Variants in RBFOX2 observed in about 807,000 individuals in gnomAD.
RBFOX2 encodes the protein RNA binding fox-1 homolog 2.
In RBFOX2, 10 loss-of-function variants were observed where a neutral mutation model predicts 49.1. The observed-to-expected ratio is 0.20, with a 90% CI of 0.13 to 0.35. The LOEUF is 0.35. Among genes scored for constraint, RBFOX2 ranks in the 10% least tolerant of loss-of-function variants. The probability of loss-of-function intolerance (pLI) is 1.00; values close to 1 mark genes in which losing one functional copy is unlikely to be tolerated. For synonymous variants in RBFOX2, 183 were observed against 187.4 expected, an observed-to-expected ratio of 0.98 and a Z score of 0.19; for missense variants, 323 against 486.9, an observed-to-expected ratio of 0.66 and a Z score of 3.17.
At chr22:35,935,324 T>C (rs148543168) in intron 1 of RBFOX2, among the ~76,000 whole-genome samples, 2 of 152,294 alleles carry the variant, frequency 1.3e-5, no homozygotes, top group East Asian at 3.9e-4. Context: ...TCCACTTCCA[T>C]AGAGAAACCA....
chr22:35,977,076 T>C (rs947016132), intron 1 of RBFOX2, among the ~76,000 whole-genome samples: 6 of 151,204 alleles, frequency 4.0e-5, no homozygotes, highest in Admixed American at 3.9e-4. Context: ...AATATGCAAA[T>C]GAAAGATGCT....
At chr22:35,799,968 C>T (rs1009080512) in intron 2 of RBFOX2, among the ~76,000 whole-genome samples, 15 of 151,588 alleles carry the variant, frequency 9.9e-5, no homozygotes, top group Non-Finnish European at 2.1e-4. Context: ...ACCCCCTTCC[C>T]CCACCCCCCA....
At chr22:35,830,508 G>T (rs1956586004) in intron 1 of RBFOX2, among the ~76,000 whole-genome samples, 1 of 152,216 alleles carries the variant, frequency 6.6e-6, no homozygotes, top group Non-Finnish European at 1.5e-5. Flanking sequence ...AAGTGTCTTT[G>T]TGTGAACATC....
At chr22:35,900,844 G>A (rs1215187671) in intron 1 of RBFOX2, among the ~76,000 whole-genome samples, 1 of 152,198 alleles carries the variant, frequency 6.6e-6, no homozygotes, top group East Asian at 1.9e-4. Context: ...CAGGCACACC[G>A]AAATCTGAGA....
intron 1 of RBFOX2, among the ~76,000 whole-genome samples, chr22:35,935,080 A>C (rs1242741840): frequency 6.6e-6 from 1 of 151,998 alleles, no homozygotes; most frequent in Non-Finnish European, 1.5e-5. Context: ...GACTACAGGC[A>C]CACACCACTA....
intron 1 of RBFOX2, among the ~76,000 whole-genome samples, chr22:35,856,275 G>A (rs776552361): frequency 2.0e-5 from 3 of 152,110 alleles, no homozygotes; most frequent in South Asian, 2.1e-4. Context: ...TCTGTACACC[G>A]ACATACAACC....
At chr22:36,014,132 T>A (rs989110168) in intron 1 of RBFOX2, among the ~76,000 whole-genome samples, 13 of 151,866 alleles carry the variant, frequency 8.6e-5, no homozygotes, top group Non-Finnish European at 2.9e-5. Context: ...CTTTTTTTTT[T>A]TTTTATTGAG....
At chr22:35,939,580 C>T (rs1369261137), upstream of RBFOX2, among the ~76,000 whole-genome samples, 3 of 151,996 alleles carry the variant, frequency 2.0e-5, no homozygotes, top group East Asian at 5.8e-4. Context: ...ACTTGTGCAG[C>T]TTACTTTTTA....
intron 1 of RBFOX2, among the ~76,000 whole-genome samples, chr22:35,985,086 T>A (rs951188110): frequency 1.3e-5 from 2 of 152,260 alleles, no homozygotes; most frequent in Middle Eastern, 3.4e-3. Context: ...TGGTGGCTGT[T>A]CCAAAGTAGA....
At chr22:35,962,318 C>T (rs56085307), upstream of RBFOX2, among the ~76,000 whole-genome samples, 4,068 of 152,282 alleles carry the variant, frequency 0.027, 84 homozygotes, top group Non-Finnish European at 0.041. Flanking sequence ...AATCCTGGGT[C>T]CAACTTTCCA....
Position 35,851,372 on chromosome 22 carries a change from G to A in RBFOX2, c.-33-41368C>T, listed in dbSNP as rs894270054. Among the ~76,000 whole-genome samples, 45 of 152,098 alleles carry A rather than the reference G, an allele frequency of 3.0e-4. 1 individual carries two copies. The highest frequency in any genetic ancestry group is 6.0e-4 in the Non-Finnish European group (41 of 68,014). On this transcript the variant is annotated intron_variant, in intron 1 of 13. Transcript: ENST00000359369. ...GAACATCTATTGCAGACAAAATATTGTACTAAGCCCTGGAGAAATGAACAC... is the reference window on the plus strand; with the variant it reads ...GAACATCTATTGCAGACAAAATATTATACTAAGCCCTGGAGAAATGAACAC...
intron 3 of RBFOX2, 114 bp downstream of exon 4, chr22:35,781,486 G>T: frequency 3.0e-6 from 4 of 1,337,532 alleles, no homozygotes; most frequent in Non-Finnish European, 4.1e-6. Flanking sequence ...ATTTACCTCA[G>T]GTTCTTTCAA....
chr22:35,921,489 A>T (rs979277040), intron 1 of RBFOX2, among the ~76,000 whole-genome samples: 2 of 152,212 alleles, frequency 1.3e-5, no homozygotes, highest in Non-Finnish European at 2.9e-5. Flanking sequence ...TGCTCTAGGC[A>T]ATAAGACTTA....
At chr22:35,760,322 CAAG>C (rs1938337119) in intron 8 of RBFOX2, among the ~76,000 whole-genome samples, 1 of 152,112 alleles carries the variant, frequency 6.6e-6, no homozygotes, top group Admixed American at 6.5e-5. Context: ...AGAAACAGGT[CAAG>C]AAGCTCTGAG....
At chr22:35,980,496 G>A (rs1241643838) in intron 1 of RBFOX2, among the ~76,000 whole-genome samples, 1 of 152,182 alleles carries the variant, frequency 6.6e-6, no homozygotes, top group Non-Finnish European at 1.5e-5. Flanking sequence ...GTGTATGAAA[G>A]AGAACAGAAG....
intron 9 of RBFOX2, among the ~76,000 whole-genome samples, chr22:35,758,069 T>A (rs1937522446): frequency 2.0e-5 from 3 of 152,202 alleles, no homozygotes; most frequent in Admixed American, 6.5e-5. Context: ...TAATGATTAA[T>A]GATGAAATTA....
At chr22:35,754,034 C>T (rs1209485170) in intron 9 of RBFOX2, among the ~76,000 whole-genome samples, 1 of 151,058 alleles carries the variant, frequency 6.6e-6, no homozygotes, top group Non-Finnish European at 1.5e-5. Flanking sequence ...CCCCCTGCCT[C>T]GGCCTCCCAA....
intron 1 of RBFOX2, among the ~76,000 whole-genome samples, chr22:35,839,390 G>A (rs1006319658): frequency 1.9e-4 from 29 of 151,896 alleles, no homozygotes; most frequent in Non-Finnish European, 3.7e-4. Context: ...GGGAGAAAGA[G>A]GGGAAAAGGA....
At chr22:35,758,778 C>T (rs1274738490) in intron 9 of RBFOX2, among the ~76,000 whole-genome samples, 2 of 152,082 alleles carry the variant, frequency 1.3e-5, no homozygotes, top group African/African-American at 4.8e-5. Flanking sequence ...TGTTTTAACT[C>T]TGTGGAATGG....
Sources: gnomAD v4.1 joint callset for allele counts (sites outside exome capture counted in the v4.1 genomes callset) on GRCh38, gnomAD v4.1.1 for gene constraint, MANE v1.5 for transcripts, NCBI Gene and HGNC (gene_info 2026-07-23, HGNC 2026-07-21) for gene names.